The following MAF variants were observed in gnomAD, a reference collection of about 807,000 sequenced individuals.
The protein encoded by MAF is transcription factor Maf.
In MAF, 10 loss-of-function variants were observed where a neutral mutation model predicts 22.0. The observed-to-expected ratio is 0.45, with a 90% confidence interval of 0.28 to 0.77. The LOEUF (loss-of-function observed/expected upper bound fraction) is 0.77. MAF is among the 30% of genes least tolerant of loss of function. MAF has a pLI of 0.12. For missense variants in MAF, 544 were observed against 548.4 expected (o/e 0.99, Z 0.08); for synonymous variants, 337 against 255.8 (o/e 1.32, Z -3.03).
the MAF span, among the ~76,000 whole-genome samples, chr16:79,360,109 C>G: frequency 1.8e-4 from 27 of 152,288 alleles, no homozygotes; most frequent in African/African-American, 4.8e-4. Flanking sequence ...ACACAGGGAG[C>G]TGTCCATGAG....
the MAF span, among the ~76,000 whole-genome samples, chr16:79,231,595 C>T: frequency 6.6e-6 from 1 of 152,000 alleles, no homozygotes; most frequent in Non-Finnish European, 1.5e-5. Flanking sequence ...TGTTCCATCC[C>T]ATCCCTTAAA....
the MAF span, among the ~76,000 whole-genome samples, chr16:79,235,826 G>C: frequency 3.5e-4 from 53 of 152,168 alleles, no homozygotes; most frequent in Non-Finnish European, 6.9e-4. Context: ...AGTAATGGTT[G>C]TGATGGTTGT....
At chr16:79,338,632 C>A in the MAF span, among the ~76,000 whole-genome samples, 4 of 150,718 alleles carry the variant, frequency 2.7e-5, no homozygotes, top group Admixed American at 2.6e-4. Flanking sequence ...AGAGAATAAA[C>A]AAAAGAGTTG....
chr16:79,358,828 G>T, the MAF span, among the ~76,000 whole-genome samples: 1 of 152,258 alleles, frequency 6.6e-6, no homozygotes, highest in South Asian at 2.1e-4. Context: ...GCCCATTCCT[G>T]GGGAGTCTGA....
the MAF span, among the ~76,000 whole-genome samples, chr16:79,481,854 G>T: frequency 6.6e-6 from 1 of 152,190 alleles, no homozygotes; most frequent in African/African-American, 2.4e-5. Flanking sequence ...TCTGGGTAGG[G>T]GAGACAGTCA....
At chr16:79,401,192 C>G in the MAF span, among the ~76,000 whole-genome samples, 1 of 152,214 alleles carries the variant, frequency 6.6e-6, no homozygotes, top group Admixed American at 6.5e-5. Context: ...GCCTATTCTC[C>G]CGCGTGGATT....
the MAF span, among the ~76,000 whole-genome samples, chr16:79,545,974 C>A: frequency 1.3e-5 from 2 of 151,964 alleles, no homozygotes; most frequent in African/African-American, 4.8e-5. Flanking sequence ...AATTAATTAG[C>A]TATTTCACAG....
the MAF span, among the ~76,000 whole-genome samples, chr16:79,565,870 C>G: frequency 6.6e-6 from 1 of 152,038 alleles, no homozygotes. Context: ...AGTATTTTCT[C>G]CCACTTGATA....
At chr16:79,573,421 G>T in the MAF span, among the ~76,000 whole-genome samples, 37 of 152,058 alleles carry the variant, frequency 2.4e-4, no homozygotes, top group African/African-American at 8.0e-4. Context: ...TTACAAAATG[G>T]TTACACCCCT....
At chr16:79,478,129 T>C in the MAF span, among the ~76,000 whole-genome samples, 1 of 152,216 alleles carries the variant, frequency 6.6e-6, no homozygotes, top group African/African-American at 2.4e-5. Context: ...TCCAGACTAC[T>C]GAGTAGTGAA....
the MAF span, among the ~76,000 whole-genome samples, chr16:79,494,296 A>G: frequency 5.3e-5 from 8 of 152,174 alleles, no homozygotes; most frequent in Non-Finnish European, 1.0e-4. Context: ...TTGCCCATTC[A>G]CAGGGTTGGC....
At chr16:79,339,433 T>C in the MAF span, among the ~76,000 whole-genome samples, 5 of 152,096 alleles carry the variant, frequency 3.3e-5, no homozygotes, top group Non-Finnish European at 5.9e-5. Context: ...GCAGATGCCA[T>C]TGAGGCCCCA....
At chr16:79,547,539 C>A in the MAF span, among the ~76,000 whole-genome samples, 1 of 151,952 alleles carries the variant, frequency 6.6e-6, no homozygotes, top group Non-Finnish European at 1.5e-5. Context: ...TAAAAAAAAA[C>A]CTTTGTAGAA....
At chr16:79,378,279 C>T in the MAF span, among the ~76,000 whole-genome samples, 1 of 152,070 alleles carries the variant, frequency 6.6e-6, no homozygotes, top group African/African-American at 2.4e-5. Flanking sequence ...AAATGGAATA[C>T]TATACAGCAA....
chr16:79,592,465 G>C (rs146534111), downstream of MAF, among the ~76,000 whole-genome samples: 448 of 152,312 alleles, frequency 2.9e-3, 1 homozygote, highest in Middle Eastern at 6.8e-3. Flanking sequence ...CATCAAAAGC[G>C]AGAAAAGCAG....
the MAF span, among the ~76,000 whole-genome samples, chr16:79,290,581 CCAGAGTAAAA>C: frequency 0.064 from 9,730 of 152,092 alleles, 641 homozygotes; most frequent in East Asian, 0.32. Context: ...ATTATCTAAT[CCAGAGTAAAA>C]CAGAGTAAAA....
At chr16:79,350,529 G>A in the MAF span, among the ~76,000 whole-genome samples, 2 of 152,256 alleles carry the variant, frequency 1.3e-5, no homozygotes, top group South Asian at 2.1e-4. Flanking sequence ...GCAGTTAAAC[G>A]TGATCACCTG....
chr16:79,320,514 G>A, the MAF span, among the ~76,000 whole-genome samples: 54 of 152,298 alleles, frequency 3.5e-4, 1 homozygote, highest in East Asian at 2.3e-3. Flanking sequence ...GCAGATCTCC[G>A]AAGGAGGCTC....
chr16:79,571,993 A>G, the MAF span, among the ~76,000 whole-genome samples: 1 of 152,218 alleles, frequency 6.6e-6, no homozygotes, highest in Non-Finnish European at 1.5e-5. Flanking sequence ...AGAAAAGACT[A>G]TGACTGCATT....
Sources: gnomAD v4.1 joint callset for allele counts (sites outside exome capture counted in the v4.1 genomes callset) on GRCh38, gnomAD v4.1.1 for gene constraint, MANE v1.5 for transcripts, NCBI Gene and HGNC (gene_info 2026-07-23, HGNC 2026-07-21) for gene names.